The following RAPGEF4 variants were observed in gnomAD, a reference collection of about 807,000 sequenced individuals.
RAPGEF4 encodes the protein Rap guanine nucleotide exchange factor 4, also known as RAP guanine-nucleotide-exchange factor (GEF) 4.
A neutral mutation model predicts 147.9 loss-of-function variants in RAPGEF4; 66 were observed. The ratio of observed to expected loss-of-function variants is 0.45; its 90% CI spans 0.37 to 0.55. RAPGEF4 has a LOEUF of 0.55. Among genes scored for constraint, RAPGEF4 ranks in the 20% least tolerant of loss-of-function variants. The pLI is 0.00. For missense variants in RAPGEF4, 1,071 were observed against 1,257.3 expected (o/e 0.85, Z 2.24); for synonymous variants, 419 against 442.7 (o/e 0.95, Z 0.67).
At chr2:173,005,112 GT>G (rs925990282) in intron 17 of RAPGEF4, among the ~76,000 whole-genome samples, 5 of 95,984 alleles carry the variant, frequency 5.2e-5, no homozygotes, top group South Asian at 3.2e-4. Flanking sequence ...TATTTCCACG[GT>G]TTTTTTCTTT....
chr2:172,986,368 G>C (rs949265358), intron 12 of RAPGEF4, among the ~76,000 whole-genome samples: 1 of 152,122 alleles, frequency 6.6e-6, no homozygotes, highest in African/African-American at 2.4e-5. Flanking sequence ...CTTTCTTCAG[G>C]CTACATTGTA....
intron 4 of RAPGEF4, among the ~76,000 whole-genome samples, chr2:172,848,233 G>A (rs1692415894): frequency 6.6e-6 from 1 of 152,104 alleles, no homozygotes; most frequent in Admixed American, 6.5e-5. Context: ...AGTGTCCAAT[G>A]ACAGTGCAGT....
rs368963335 is a variant in RAPGEF4 at position 172,909,933 on chromosome 2, G to A, written c.445-7869G>A. 1.6e-3 allele frequency among the ~76,000 whole-genome samples: 248 copies of A among 152,192 alleles called. 1 individual carries two copies. Among genetic ancestry groups the A allele is most frequent in the African/African-American group, 4.9e-3 (202 of 41,516 alleles). On this transcript the variant is annotated intron_variant, in intron 4 of 30. Transcript: ENST00000397081. ...CTCTACCTCAGGAGGATTTTACAGC[G>A]GAAGGGAATTACCCCACCGCTGCAT...
intron 4 of RAPGEF4, among the ~76,000 whole-genome samples, chr2:172,833,924 C>T (rs1387232667): frequency 6.6e-6 from 1 of 152,132 alleles, no homozygotes; most frequent in Non-Finnish European, 1.5e-5. Flanking sequence ...TACTGCTTCT[C>T]CTGGAAATTA....
At chr2:172,805,185 A>G (rs1033797248) in intron 3 of RAPGEF4, among the ~76,000 whole-genome samples, 1 of 152,074 alleles carries the variant, frequency 6.6e-6, no homozygotes, top group Admixed American at 6.5e-5. Flanking sequence ...CCCTAATTCA[A>G]GGCTTCAAGA....
chr2:172,944,132 G>A (rs1027291270), intron 6 of RAPGEF4, among the ~76,000 whole-genome samples: 2 of 152,156 alleles, frequency 1.3e-5, no homozygotes, highest in Admixed American at 6.5e-5. Flanking sequence ...ATCTTAGGCT[G>A]CCTTCTGCTC....
intron 6 of RAPGEF4, among the ~76,000 whole-genome samples, chr2:172,935,167 A>G (rs1686422604): frequency 6.6e-6 from 1 of 152,144 alleles, no homozygotes; most frequent in Non-Finnish European, 1.5e-5. Flanking sequence ...ACAGAGCCAG[A>G]CCCTGTCTCA....
chr2:172,783,204 T>C (rs185583363), intron 1 of RAPGEF4, among the ~76,000 whole-genome samples: 73 of 152,282 alleles, frequency 4.8e-4, no homozygotes, highest in Admixed American at 1.6e-3. Context: ...TGGCATCTTA[T>C]TCATCCATCG....
At position 172,852,429 on chromosome 2, in the gene RAPGEF4, T is replaced by C. The variant is rs138871399; in HGVS notation, c.444+38004T>C. Among the ~76,000 whole-genome samples the C allele has an allele frequency of 8.7e-4, 132 of 152,308 alleles. 6 individuals carry two copies. The East Asian group carries it at 0.017, about 20-fold the overall frequency. On this transcript the variant is annotated intron_variant, in intron 4 of 30. Coordinates refer to ENST00000397081, the MANE Select transcript of RAPGEF4 (RefSeq NM_007023.4). ...TTTGTTTAACTTTACTTAACTCTTA[T>C]ATAGTGCTTACTTGTATCAGGTAGA...
intron 4 of RAPGEF4, among the ~76,000 whole-genome samples, chr2:172,878,266 T>C (rs1282945865): frequency 1.3e-5 from 2 of 152,208 alleles, no homozygotes; most frequent in Admixed American, 1.3e-4. Flanking sequence ...TTACCTCCCC[T>C]AATCATTCTC....
intron 17 of RAPGEF4, among the ~76,000 whole-genome samples, chr2:173,001,848 A>G (rs1256957616): frequency 6.6e-6 from 1 of 151,970 alleles, no homozygotes; most frequent in African/African-American, 2.4e-5. Context: ...GTCCACCCCC[A>G]TGAACCAAAC....
At chr2:172,830,376 CT>C (rs1056226171) in intron 4 of RAPGEF4, among the ~76,000 whole-genome samples, 2 of 152,162 alleles carry the variant, frequency 1.3e-5, no homozygotes, top group African/African-American at 4.8e-5. Context: ...ATTCATTGCC[CT>C]TTTAAATAGC....
chr2:173,001,447 C>A, intron 17 of RAPGEF4, 103 bp downstream of exon 17: 2 of 1,404,644 alleles, frequency 1.4e-6, no homozygotes, highest in Non-Finnish European at 2.0e-6. Context: ...ATGGCCCAGG[C>A]AGAGTTGTGC....
At chr2:172,983,227 T>G (rs1462627298) in intron 10 of RAPGEF4, among the ~76,000 whole-genome samples, 2 of 152,190 alleles carry the variant, frequency 1.3e-5, no homozygotes, top group South Asian at 2.1e-4. Context: ...GTTGGCCAAC[T>G]ACCATGTGAG....
rs183423255 is a variant in RAPGEF4 at position 173,009,844 on chromosome 2, G to T, written c.1659-4620G>T. 7.9e-5 allele frequency among the ~76,000 whole-genome samples: 12 copies of T among 152,248 alleles called. No homozygotes were observed. In the East Asian group the frequency reaches 2.3e-3, roughly 29 times the overall value. On this transcript the variant is annotated intron_variant, in intron 17 of 30. Transcript: ENST00000397081. Reference sequence around the variant, plus strand: ...TGTAATAGTTAACTCTTGATTTTCTGCATGTGCTTTGTTATCAGGATTTGG... The same window carrying T: ...TGTAATAGTTAACTCTTGATTTTCTTCATGTGCTTTGTTATCAGGATTTGG...
At chr2:172,831,608 T>C (rs2149672763) in intron 4 of RAPGEF4, among the ~76,000 whole-genome samples, 1 of 152,236 alleles carries the variant, frequency 6.6e-6, no homozygotes, top group African/African-American at 2.4e-5. Flanking sequence ...CATTGCAGTA[T>C]AATCATATTG....
chr2:173,017,126 T>C lies in RAPGEF4; in HGVS notation c.1899-48T>C, dbSNP rs576995799. ...TTAGTTATATACAAATAAGGCAATT[T>C]AATAGTAGCAATGGTATTAAATAAT... On this transcript the variant is annotated intron_variant, in intron 19 of 30. Transcript: ENST00000397081. The C allele has an allele frequency of 1.3e-5, 21 of 1,567,858 alleles. No individual in the cohort carries two copies. In the Middle Eastern group the frequency reaches 5.0e-4, roughly 38 times the overall value.
At chr2:173,018,085 G>C (rs1336201770) in intron 21 of RAPGEF4, among the ~76,000 whole-genome samples, 1 of 152,176 alleles carries the variant, frequency 6.6e-6, no homozygotes, top group Non-Finnish European at 1.5e-5. Context: ...ATAATAATGG[G>C]AATTGCTCCC....
At position 172,890,476 on chromosome 2, in the gene RAPGEF4, G is replaced by A. The variant is rs188022211; in HGVS notation, c.445-27326G>A. Among the ~76,000 whole-genome samples, 502 of 152,268 alleles carry A rather than the reference G, an allele frequency of 3.3e-3. 3 individuals are homozygous for A. The highest frequency in any genetic ancestry group is 0.011 in the African/African-American group (468 of 41,540). ...GAGTAATCATTGGTTATTTTGGGAG[G>A]TATTATTTCTCCACTTCTGCAAATA... is the stretch of plus-strand genomic sequence containing the variant. On this transcript the variant is annotated intron_variant, in intron 4 of 30. Coordinates refer to ENST00000397081, the MANE Select transcript of RAPGEF4 (RefSeq NM_007023.4).
Sources: allele counts gnomAD v4.1 joint callset (sites outside exome capture counted in the v4.1 genomes callset), GRCh38; gene constraint gnomAD v4.1.1; transcripts MANE v1.5; gene names NCBI Gene and HGNC (gene_info 2026-07-23, HGNC 2026-07-21).